The following MN1 variants were observed in gnomAD, a reference collection of about 807,000 sequenced individuals.
The protein encoded by MN1 is MN1 proto-oncogene, transcriptional regulator, also known as transcriptional activator MN1.
A neutral mutation model predicts 86.9 loss-of-function variants in MN1; 19 were observed. The ratio of observed to expected loss-of-function variants is 0.22; its 90% CI spans 0.15 to 0.32. The LOEUF is 0.32. MN1 is among the 10% of genes least tolerant of loss of function. MN1 has a pLI of 1.00. For synonymous variants in MN1, 928 were observed against 849.6 expected (o/e 1.09, Z -1.60); for missense variants, 1,841 against 1,862.0 (o/e 0.99, Z 0.21).
At position 27,794,267 on chromosome 22, in the gene MN1, C is replaced by G. The variant is rs566347553; in HGVS notation, c.3781+2496G>C. ...TATCATAATGAAAAGTTTAATCATC[C>G]TTATTTACTACCAGTAAGGGAGCAG... On this transcript the variant is annotated intron_variant, in intron 1 of 1. Transcript: ENST00000302326. Among the ~76,000 whole-genome samples the G allele has an allele frequency of 1.1e-4, 16 of 152,280 alleles. No homozygotes were observed. The South Asian group carries it at 3.1e-3, about 30-fold the overall frequency.
At chr22:27,764,703 G>A (rs146533383) in intron 1 of MN1, among the ~76,000 whole-genome samples, 3 of 152,246 alleles carry the variant, frequency 2.0e-5, no homozygotes, top group African/African-American at 2.4e-5. Flanking sequence ...TAGACCTACC[G>A]GGCAGGGCTG....
rs752277147 is a variant in MN1 at position 27,798,654 on chromosome 22, C to T, written c.1890G>A (p.Ala630=). 1.9e-6 allele frequency: 3 copies of T among 1,557,538 alleles called. No homozygotes were observed. The highest frequency in any genetic ancestry group is 2.4e-5 in the East Asian group (1 of 42,342). The part of the protein sequence containing the change: ...QQAPHLAQES[A]WFSGPHPPPG... ...GCGGCGGATGCGGACCTGAGAACCA[C>T]GCGCTCTCTTGCGCCAAGTGCGGCG... Residue 630 remains alanine, a synonymous_variant, in exon 1 of 2, where the codon GCG becomes GCA. Transcript: ENST00000302326.
chr22:27,792,897 G>A (rs552274220), intron 1 of MN1, among the ~76,000 whole-genome samples: 4 of 151,986 alleles, frequency 2.6e-5, no homozygotes, highest in Non-Finnish European at 2.9e-5. Context: ...CTGCCCCCCC[G>A]CCCCAAGTCT....
chr22:27,784,477 G>A (rs992683249), intron 1 of MN1, among the ~76,000 whole-genome samples: 1 of 152,206 alleles, frequency 6.6e-6, no homozygotes, highest in Non-Finnish European at 1.5e-5. Flanking sequence ...GGGGCCTGCT[G>A]AGAACTAGGA....
At chr22:27,795,691 A>T (rs1933281924) in intron 1 of MN1, among the ~76,000 whole-genome samples, 1 of 151,092 alleles carries the variant, frequency 6.6e-6, no homozygotes, top group South Asian at 2.1e-4. Flanking sequence ...ACATATATAG[A>T]CACACATACC....
At chr22:27,763,277 C>A (rs898774534) in intron 1 of MN1, among the ~76,000 whole-genome samples, 1 of 152,200 alleles carries the variant, frequency 6.6e-6, no homozygotes, top group Admixed American at 6.5e-5. Flanking sequence ...TGCCTCATCC[C>A]CCCCATCCAT....
In MN1 at chr22:27,797,526, C is replaced by T. The variant is rs1055257417; in HGVS notation, c.3018G>A (p.Thr1006=). ...CAGCCCCCTTCCCCCAGGATGGCGA[C>T]GTGAGCGCCTTTTCGTGGGGCGTCG... The part of the protein sequence containing the change: ...GAPTPHEKAL[T]SPSWGKGAEL... Residue 1006 remains threonine, a synonymous_variant, in exon 1 of 2, where the codon ACG becomes ACA. Coordinates refer to ENST00000302326, the MANE Select transcript of MN1 (RefSeq NM_002430.3). 1.2e-6 allele frequency: 2 copies of T among 1,608,144 alleles called. No individual in the cohort carries two copies. Among genetic ancestry groups the T allele is most frequent in the East Asian group, 4.5e-5 (2 of 44,810 alleles).
At chr22:27,790,871 G>A (rs1933202317) in intron 1 of MN1, among the ~76,000 whole-genome samples, 1 of 152,146 alleles carries the variant, frequency 6.6e-6, no homozygotes, top group South Asian at 2.1e-4. Flanking sequence ...AGCCCAGGAG[G>A]CCCGGGAGGC....
At position 27,801,600 on chromosome 22, in the gene MN1, C is replaced by G. The variant is rs899715833; in HGVS notation, c.-1057G>C. ...GGCTAAGGCGTTCCCGCTGCGCTCT[C>G]AGAGCCCGGAATGGGGGGAGGGGGG... On this transcript the variant is annotated 5_prime_UTR_variant, in exon 1 of 2. Coordinates refer to ENST00000302326, the MANE Select transcript of MN1 (RefSeq NM_002430.3). 2.0e-5 allele frequency: 3 copies of G among 147,150 alleles called. No individual in the cohort carries two copies. Among genetic ancestry groups the G allele is most frequent in the East Asian group, 1.1e-4 (1 of 9,298 alleles). The allele number at this position is 147,150 out of a possible 1,614,324, so 9.1% of individuals were successfully genotyped here.
At chr22:27,792,894 C>G (rs45515502) in intron 1 of MN1, among the ~76,000 whole-genome samples, 3,075 of 152,212 alleles carry the variant, frequency 0.02, 100 homozygotes, top group African/African-American at 0.069. Flanking sequence ...TACCTGCCCC[C>G]CCGCCCCAAG....
chr22:27,797,392 G>C lies in MN1; in HGVS notation c.3152C>G (p.Thr1051Arg). 2 of 1,611,962 alleles carry C rather than the reference G, an allele frequency of 1.2e-6. No homozygotes were observed. The highest frequency in any genetic ancestry group is 1.7e-6 in the Non-Finnish European group (2 of 1,179,914). ...CACCTCGTCCTCATTGGCGTAGCTC[G>C]TGCTCACCTCGTCCGAGGCGAACTC... ...VGEFASDEVS[T>R]SYANEDEVSS... Residue 1051 changes from threonine to arginine, a missense_variant, in exon 1 of 2, where the codon ACG (threonine) becomes AGG (arginine). Transcript: ENST00000302326.
chr22:27,794,966 A>G (rs1318302863), intron 1 of MN1, among the ~76,000 whole-genome samples: 1 of 150,832 alleles, frequency 6.6e-6, no homozygotes, highest in Non-Finnish European at 1.5e-5. Flanking sequence ...GATTTGTGCT[A>G]ACCAGCTATC....
intron 1 of MN1, among the ~76,000 whole-genome samples, chr22:27,789,329 C>T (rs1219357021): frequency 6.6e-6 from 1 of 152,200 alleles, no homozygotes; most frequent in African/African-American, 2.4e-5. Context: ...CCCAACACAC[C>T]TTGCATCTCC....
chr22:27,774,834 T>C lies in MN1; in HGVS notation c.3781+21929A>G, dbSNP rs183829144. 4.0e-4 allele frequency among the ~76,000 whole-genome samples: 61 copies of C among 152,190 alleles called. No individual in the cohort carries two copies. In the South Asian group the frequency reaches 6.8e-3, roughly 17 times the overall value. ...GTGTGCCAGGGGCAGCTCTGCCAGG[T>C]ACCAACCTAAGCCACTGGCAGACTA... On this transcript the variant is annotated intron_variant, in intron 1 of 1. Coordinates refer to ENST00000302326, the MANE Select transcript of MN1 (RefSeq NM_002430.3).
intron 1 of MN1, among the ~76,000 whole-genome samples, chr22:27,762,815 G>A (rs891412631): frequency 6.6e-6 from 1 of 151,900 alleles, no homozygotes; most frequent in Non-Finnish European, 1.5e-5. Flanking sequence ...TAAACAAATA[G>A]AGGCCGAGTG....
rs919908908 is a variant in MN1 at position 27,800,951 on chromosome 22, T to C, written c.-408A>G. ...AGAGCGATCACCTTCTCAAGTCCGA[T>C]TGGGTCTGCTGGGGAGCCCTCAGGA... On this transcript the variant is annotated 5_prime_UTR_variant, in exon 1 of 2. Coordinates refer to ENST00000302326, the MANE Select transcript of MN1 (RefSeq NM_002430.3). The C allele has an allele frequency of 1.6e-5, 6 of 364,692 alleles. No homozygotes were observed. The highest frequency in any genetic ancestry group is 5.0e-5 in the East Asian group (1 of 19,866). The allele number at this position is 364,692 out of a possible 1,614,324, so 22.6% of individuals were successfully genotyped here.
chr22:27,800,017 A>T lies in MN1; in HGVS notation c.527T>A (p.Phe176Tyr), dbSNP rs1352858038. 3.1e-6 allele frequency: 5 copies of T among 1,604,712 alleles called. No individual in the cohort carries two copies. Among genetic ancestry groups the T allele is most frequent in the Non-Finnish European group, 4.2e-6 (5 of 1,179,182 alleles). ...GPQRPGNLPD[F>Y]HSSGASSHAV... is the part of the protein sequence containing the mutation. ...GTGGCTGGAGGCACCTGAACTGTGG[A>T]AGTCCGGGAGGTTCCCCGGTCGCTG... Residue 176 changes from phenylalanine (F) to tyrosine (Y), a missense_variant, in exon 1 of 2, where the codon TTC (phenylalanine) becomes TAC (tyrosine). Transcript: ENST00000302326.
In MN1 at chr22:27,799,880, C is replaced by A; in HGVS notation, c.664G>T (p.Val222Leu). 6.2e-7 allele frequency: 1 copy of A among 1,602,878 alleles called. No homozygotes were observed. The highest frequency in any genetic ancestry group is 1.1e-5 in the South Asian group (1 of 89,876). ...SDSHSLEPRR[V>L]TNQGAVDSLE... ...GAGTCGACGGCTCCTTGGTTCGTCA[C>A]CCTCCGTGGCTCCAGACTGTGGGAA... The change falls in exon 1 of 2, where the codon GTG becomes TTG. Residue 222 changes from valine to leucine, a missense_variant. Coordinates refer to ENST00000302326, the MANE Select transcript of MN1 (RefSeq NM_002430.3).
At chr22:27,767,313 C>T (rs759683917) in intron 1 of MN1, among the ~76,000 whole-genome samples, 11 of 152,108 alleles carry the variant, frequency 7.2e-5, no homozygotes, top group Non-Finnish European at 1.2e-4. Context: ...GCCAATAATA[C>T]AAGACTTAAT....
Sources: gnomAD v4.1 joint callset for allele counts (sites outside exome capture counted in the v4.1 genomes callset) on GRCh38, gnomAD v4.1.1 for gene constraint, MANE v1.5 for transcripts, NCBI Gene and HGNC (gene_info 2026-07-23, HGNC 2026-07-21) for gene names.